Variants in ZNF717 observed in about 807,000 individuals in gnomAD.
ZNF717 encodes the protein krueppel-like factor X17.
ZNF717 carries 9 observed loss-of-function variants against 13.8 expected under a neutral mutation model. The observed-to-expected ratio is 0.65, with a 90% CI of 0.39 to 1.14. The LOEUF (loss-of-function observed/expected upper bound fraction) is 1.14. Among genes scored for constraint, ZNF717 ranks in the 50% most tolerant of loss-of-function variants. The pLI is 0.01. For synonymous variants in ZNF717, 327 were observed against 364.1 expected (o/e 0.90, Z 1.16); for missense variants, 1,040 against 1,080.7 (o/e 0.96, Z 0.53).
chr3:75,761,573 G>A (rs1470339952), intron 2 of ZNF717, among the ~76,000 whole-genome samples: 5 of 152,250 alleles, frequency 3.3e-5, no homozygotes, highest in Admixed American at 2.0e-4. Context: ...AAATTGGAAA[G>A]GGAGAAGTAT....
In ZNF717 at chr3:75,701,530, A is replaced by T. The variant is rs200599970; in HGVS notation, n.1085+9657T>A. Among the ~76,000 whole-genome samples the T allele has an allele frequency of 1.4e-3, 214 of 151,814 alleles. No homozygotes were observed. In the East Asian group the frequency reaches 0.039, roughly 28 times the overall value. On this transcript the variant is annotated intron_variant and non_coding_transcript_variant, in intron 6 of 6. Transcript: ENST00000648506. ...CTAAAAATACAAAAATTAGCCAGGC[A>T]TGGGGGCAAAATTTAGCTGGGTGTG... is the stretch of plus-strand genomic sequence containing the variant.
chr3:75,781,051 G>C (rs979466137), intron 2 of ZNF717, among the ~76,000 whole-genome samples: 2 of 152,264 alleles, frequency 1.3e-5, no homozygotes, highest in African/African-American at 4.8e-5. Flanking sequence ...TCAAAATTGA[G>C]AAAATAACCA....
rs182350660 is a variant in ZNF717 at position 75,781,905 on chromosome 3, C to T, written c.57+1401G>A. Among the ~76,000 whole-genome samples, 1,029 of 152,226 alleles carry T rather than the reference C, an allele frequency of 6.8e-3. 9 individuals carry two copies. Among genetic ancestry groups the T allele is most frequent in the African/African-American group, 0.023 (967 of 41,516 alleles). On this transcript the variant is annotated intron_variant, in intron 2 of 4. Transcript: ENST00000652011. ...AGTTTGTTTTCCTGTAACCATCTGT[C>T]GTTTTAACTTTTTTGTCTGTTTTTT... is the stretch of plus-strand genomic sequence containing the variant.
At chr3:75,759,081 T>C (rs113361472) in intron 2 of ZNF717, among the ~76,000 whole-genome samples, 3,799 of 152,286 alleles carry the variant, frequency 0.025, 106 homozygotes, top group African/African-American at 0.085. Flanking sequence ...TTTGTAGACA[T>C]ATGCTGTTGC....
chr3:75,769,383 T>C (rs1045323300), intron 2 of ZNF717, among the ~76,000 whole-genome samples: 9 of 151,860 alleles, frequency 5.9e-5, no homozygotes, highest in East Asian at 1.9e-4. Flanking sequence ...CTGCTCCACG[T>C]CCCCAGCCAC....
In ZNF717 at chr3:75,766,220, A is replaced by G. The variant is rs528948593; in HGVS notation, c.57+17086T>C. Among the ~76,000 whole-genome samples the G allele has an allele frequency of 3.3e-5, 5 of 152,354 alleles. No individual in the cohort carries two copies. In the East Asian group the frequency reaches 9.6e-4, roughly 29 times the overall value. ...GACAAATACTCTACTTAAGACAGAG[A>G]CTGCCAGACCTGAGAGGAAAGCAAG... On this transcript the variant is annotated intron_variant, in intron 2 of 4. Transcript: ENST00000652011.
At chr3:75,714,678 G>A (rs1222924780) in intron 5 of ZNF717, among the ~76,000 whole-genome samples, 1 of 151,984 alleles carries the variant, frequency 6.6e-6, no homozygotes, top group Non-Finnish European at 1.5e-5. Flanking sequence ...CATCTGACCA[G>A]TAAACCCAGG....
chr3:75,724,699 G>A (rs1171591942), intron 4 of ZNF717, among the ~76,000 whole-genome samples: 1 of 150,072 alleles, frequency 6.7e-6, no homozygotes, highest in Non-Finnish European at 1.5e-5. Flanking sequence ...AAGCAACCAC[G>A]TGAGTGTAAA....
At chr3:75,766,940 G>T (rs62268116) in intron 2 of ZNF717, among the ~76,000 whole-genome samples, 3 of 152,246 alleles carry the variant, frequency 2.0e-5, no homozygotes, top group African/African-American at 7.2e-5. Flanking sequence ...GAACAAACTT[G>T]TTATAAAAAT....
chr3:75,712,634 A>G (rs1937964284), intron 5 of ZNF717, among the ~76,000 whole-genome samples: 1 of 152,138 alleles, frequency 6.6e-6, no homozygotes, highest in Non-Finnish European at 1.5e-5. Flanking sequence ...ATAACTAGAC[A>G]TTTTAGTTTA....
intron 2 of ZNF717, among the ~76,000 whole-genome samples, chr3:75,761,015 AT>A (rs1942959575): frequency 6.6e-6 from 1 of 152,182 alleles, no homozygotes. Flanking sequence ...TGAGCAAACC[AT>A]ATGCCACAAA....
downstream of ZNF717, among the ~76,000 whole-genome samples, chr3:75,707,756 C>A (rs1354703105): frequency 6.6e-6 from 1 of 152,068 alleles, no homozygotes; most frequent in African/African-American, 2.4e-5. Context: ...CACCCTAATA[C>A]TGCGCTTTTC....
downstream of ZNF717, among the ~76,000 whole-genome samples, chr3:75,731,349 C>T (rs1203924250): frequency 6.6e-6 from 1 of 152,084 alleles, no homozygotes; most frequent in Non-Finnish European, 1.5e-5. Flanking sequence ...TGCACTACAG[C>T]CTGGATGACA....
At chr3:75,740,519 C>T (rs1186553446) in intron 4 of ZNF717, among the ~76,000 whole-genome samples, 2 of 151,942 alleles carry the variant, frequency 1.3e-5, no homozygotes, top group East Asian at 3.9e-4. Context: ...TCCATCTCAG[C>T]CTCCCAAGTA....
Position 75,756,068 on chromosome 3 carries a change from A to G in ZNF717, c.58-14332T>C, listed in dbSNP as rs182307240. On this transcript the variant is annotated intron_variant, in intron 2 of 4. Transcript: ENST00000652011. ...GCAATAAGCAGGTCTCACTGGCACCATTTTTCCTACAGCACGTGCTCACTT... is the reference window on the plus strand; with the variant it reads ...GCAATAAGCAGGTCTCACTGGCACCGTTTTTCCTACAGCACGTGCTCACTT... Among the ~76,000 whole-genome samples the G allele has an allele frequency of 1.1e-3, 167 of 152,346 alleles. 1 individual carries two copies. The highest frequency in any genetic ancestry group is 3.8e-3 in the African/African-American group (159 of 41,574).
chr3:75,701,281 G>C (rs1425957551), intron 6 of ZNF717, among the ~76,000 whole-genome samples: 1 of 152,312 alleles, frequency 6.6e-6, no homozygotes, highest in African/African-American at 2.4e-5. Context: ...TGTCATATAA[G>C]AGGTGCCTGC....
At chr3:75,778,212 A>AAACC in intron 2 of ZNF717, among the ~76,000 whole-genome samples, 1 of 152,138 alleles carries the variant, frequency 6.6e-6, no homozygotes, top group East Asian at 1.9e-4. Context: ...GTGACGTGCT[A>AAACC]AAACTGGAAC....
Position 75,774,610 on chromosome 3 carries a change from G to GT in ZNF717, c.57+8695dup, listed in dbSNP as rs537149833. Among the ~76,000 whole-genome samples the GT allele has an allele frequency of 6.6e-3, 527 of 80,218 alleles. 32 individuals carry two copies. Among genetic ancestry groups the GT allele is most frequent in the Non-Finnish European group, 7.5e-3 (329 of 43,716 alleles). The allele number at this position is 80,218 out of a possible 152,430, so 52.6% of individuals were successfully genotyped here. A position where few individuals can be genotyped will look rare whatever the true frequency, so the allele number is the denominator to read the frequency against. ...GTATAGAATTTCTAAAATTCTTGTG[G>GT]TTTTTTTTTTTTTTTTTTTTTTTTT... On this transcript the variant is annotated intron_variant, in intron 2 of 4. Transcript: ENST00000652011.
chr3:75,738,320 T>TA lies in ZNF717; in HGVS notation c.1302dup (p.Lys435Ter). The TA allele has an allele frequency of 6.5e-7, 1 of 1,541,606 alleles. No homozygotes were observed. The highest frequency in any genetic ancestry group is 2.5e-5 in the East Asian group (1 of 40,288). On this transcript the variant is annotated frameshift_variant, in exon 5 of 5. Coordinates refer to ENST00000652011, the MANE Select transcript of ZNF717 (RefSeq NM_001290208.3). LOFTEE classifies it low-confidence loss of function (END_TRUNC). ...CTCTGATGGACAGTAAGCCTTGACT[T>TA]ATGGCTAAATGCTTCTTCACAATGG...
Sources: allele counts gnomAD v4.1 joint callset (sites outside exome capture counted in the v4.1 genomes callset), GRCh38; gene constraint gnomAD v4.1.1; transcripts MANE v1.5; gene names NCBI Gene and HGNC (gene_info 2026-07-23, HGNC 2026-07-21).